MAGI2: variants seen among roughly 807,000 people sequenced by gnomAD.
MAGI2 encodes the protein membrane-associated guanylate kinase, WW and PDZ domain-containing protein 2.
MAGI2 carries 35 observed loss-of-function variants against 133.3 expected under a neutral mutation model. That is an observed-to-expected ratio of 0.26 (90% CI 0.20 to 0.35). The LOEUF is 0.35. Ranked by LOEUF, MAGI2 falls within the 10% of genes least tolerant of loss-of-function variation. The pLI, the probability that MAGI2 is intolerant of heterozygous loss-of-function variation, is 1.00. For synonymous variants in MAGI2, 729 were observed against 710.6 expected, an observed-to-expected ratio of 1.03 and a Z score of -0.41; for missense variants, 1,636 against 1,863.4, an observed-to-expected ratio of 0.88 and a Z score of 2.25.
At chr7:78,745,524 T>A (rs1822846359) in intron 2 of MAGI2, among the ~76,000 whole-genome samples, 1 of 151,702 alleles carries the variant, frequency 6.6e-6, no homozygotes, top group African/African-American at 2.4e-5. Flanking sequence ...ATATAGTTGA[T>A]CTTGATTTAA....
intron 9 of MAGI2, among the ~76,000 whole-genome samples, chr7:78,294,077 TAAA>T (rs34000848): frequency 1.3e-5 from 2 of 152,018 alleles, no homozygotes; most frequent in South Asian, 2.1e-4. Context: ...TAAAGTATAA[TAAA>T]AAAATATATA....
chr7:78,956,756 G>A (rs111322736), intron 2 of MAGI2, among the ~76,000 whole-genome samples: 2 of 152,106 alleles, frequency 1.3e-5, no homozygotes, highest in Non-Finnish European at 2.9e-5. Context: ...CGTTTTTTAT[G>A]TAATACATCA....
chr7:78,797,024 A>G (rs368302366), intron 2 of MAGI2, among the ~76,000 whole-genome samples: 5 of 152,278 alleles, frequency 3.3e-5, no homozygotes, highest in African/African-American at 1.2e-4. Context: ...CATGGGTACA[A>G]AAATACAGTT....
intron 1 of MAGI2, among the ~76,000 whole-genome samples, chr7:79,393,141 G>T (rs1230449748): frequency 6.6e-6 from 1 of 152,128 alleles, no homozygotes; most frequent in Admixed American, 6.5e-5. Context: ...TGTGTTGGTA[G>T]TTGAAATCTG....
At chr7:78,537,097 T>C (rs1453717180) in intron 3 of MAGI2, among the ~76,000 whole-genome samples, 1 of 151,906 alleles carries the variant, frequency 6.6e-6, no homozygotes, top group African/African-American at 2.4e-5. Context: ...TTTAAAATAA[T>C]GGTCTCCAAC....
intron 1 of MAGI2, among the ~76,000 whole-genome samples, chr7:79,437,442 C>T (rs1848224758): frequency 6.6e-6 from 1 of 152,006 alleles, no homozygotes; most frequent in South Asian, 2.1e-4. Flanking sequence ...TACACACACA[C>T]ATGCATACAC....
chr7:79,450,838 G>A (rs536942345), intron 1 of MAGI2, among the ~76,000 whole-genome samples: 57 of 152,232 alleles, frequency 3.7e-4, no homozygotes, highest in African/African-American at 1.3e-3. Flanking sequence ...TCAGCCAACA[G>A]GGTGCTCACA....
intron 2 of MAGI2, among the ~76,000 whole-genome samples, chr7:78,918,172 T>C (rs1292034260): frequency 1.3e-5 from 2 of 152,174 alleles, no homozygotes; most frequent in Non-Finnish European, 2.9e-5. Flanking sequence ...AAGACACTTC[T>C]ATTACTCAAG....
At chr7:78,723,707 C>G (rs1256641871) in intron 2 of MAGI2, among the ~76,000 whole-genome samples, 1 of 152,030 alleles carries the variant, frequency 6.6e-6, no homozygotes, top group Non-Finnish European at 1.5e-5. Context: ...GACTATAGGT[C>G]AGAGGGAAAT....
chr7:78,211,895 C>T (rs1787799329), intron 10 of MAGI2, among the ~76,000 whole-genome samples: 1 of 152,154 alleles, frequency 6.6e-6, no homozygotes, highest in African/African-American at 2.4e-5. Context: ...TTTTCAATCA[C>T]TGTTTTCATC....
chr7:78,381,066 G>T (rs1019781918), intron 6 of MAGI2, among the ~76,000 whole-genome samples: 1 of 152,088 alleles, frequency 6.6e-6, no homozygotes, highest in Non-Finnish European at 1.5e-5. Context: ...ACAAAATGAG[G>T]CTAGGTACAG....
At chr7:79,078,600 T>C (rs763745832) in intron 1 of MAGI2, among the ~76,000 whole-genome samples, 8 of 152,334 alleles carry the variant, frequency 5.3e-5, no homozygotes, top group Middle Eastern at 3.4e-3. Flanking sequence ...GGCATTTTCC[T>C]TAGTTACCTG....
At chr7:78,050,305 T>C (rs544565509) in intron 21 of MAGI2, among the ~76,000 whole-genome samples, 2 of 152,354 alleles carry the variant, frequency 1.3e-5, no homozygotes, top group African/African-American at 2.4e-5. Flanking sequence ...AATTGCCTGA[T>C]GGTTTTAGGC....
intron 1 of MAGI2, among the ~76,000 whole-genome samples, chr7:79,240,679 G>C (rs1470202667): frequency 6.6e-6 from 1 of 152,188 alleles, no homozygotes; most frequent in African/African-American, 2.4e-5. Context: ...ATTAGGAACA[G>C]CTGGTCAGCA....
intron 1 of MAGI2, among the ~76,000 whole-genome samples, chr7:79,193,556 A>C (rs1827840282): frequency 1.3e-5 from 2 of 152,006 alleles, no homozygotes; most frequent in Non-Finnish European, 2.9e-5. Context: ...TAAAACTGGC[A>C]TTGCACAATG....
At chr7:79,231,898 T>G (rs1319422554) in intron 1 of MAGI2, among the ~76,000 whole-genome samples, 2 of 152,184 alleles carry the variant, frequency 1.3e-5, no homozygotes, top group Non-Finnish European at 2.9e-5. Flanking sequence ...GCTTCCAGTT[T>G]TTGCCCATTC....
intron 20 of MAGI2, among the ~76,000 whole-genome samples, chr7:78,108,443 T>C (rs1487199553): frequency 6.6e-6 from 1 of 152,234 alleles, no homozygotes; most frequent in Non-Finnish European, 1.5e-5. Flanking sequence ...AGGATGTGTG[T>C]TCTGCAGCTG....
chr7:78,215,405 A>C (rs1484767206), intron 10 of MAGI2, among the ~76,000 whole-genome samples: 1 of 152,160 alleles, frequency 6.6e-6, no homozygotes, highest in East Asian at 1.9e-4. Flanking sequence ...AGTTTGCTAG[A>C]AGCATCCCAG....
intron 2 of MAGI2, among the ~76,000 whole-genome samples, chr7:78,805,597 G>A (rs562063808): frequency 7.9e-5 from 12 of 152,046 alleles, no homozygotes; most frequent in Admixed American, 1.3e-4. Context: ...TAGTATTCAC[G>A]CCCTTGTATA....
Sources: allele counts gnomAD v4.1 joint callset (sites outside exome capture counted in the v4.1 genomes callset), GRCh38; gene constraint gnomAD v4.1.1; transcripts MANE v1.5; gene names NCBI Gene and HGNC (gene_info 2026-07-23, HGNC 2026-07-21).